Variants in NOL4 observed in about 807,000 individuals in gnomAD.
NOL4 encodes nucleolar protein 4.
In NOL4, 17 loss-of-function variants were observed where a neutral mutation model predicts 75.9. The ratio of observed to expected loss-of-function variants is 0.22; its 90% confidence interval spans 0.15 to 0.34. The LOEUF is 0.34. NOL4 is among the 10% of genes least tolerant of loss of function. The pLI is 1.00. For synonymous variants in NOL4, 292 were observed against 289.9 expected (o/e 1.01, Z -0.07); for missense variants, 614 against 793.5 (o/e 0.77, Z 2.72).
chr18:34,015,546 T>C (rs1280047864), intron 6 of NOL4, among the ~76,000 whole-genome samples: 1 of 150,570 alleles, frequency 6.6e-6, no homozygotes, highest in Non-Finnish European at 1.5e-5. Context: ...ATTCCTTTTA[T>C]ATCACTTGTT....
chr18:34,062,119 GA>G (rs1416388666), intron 5 of NOL4, among the ~76,000 whole-genome samples: 6 of 151,954 alleles, frequency 3.9e-5, no homozygotes, highest in African/African-American at 7.3e-5. Flanking sequence ...CTCAAAATAA[GA>G]AATGCCCAAT....
chr18:34,172,546 A>G (rs932179470), intron 1 of NOL4, among the ~76,000 whole-genome samples: 4 of 152,126 alleles, frequency 2.6e-5, no homozygotes, highest in African/African-American at 9.7e-5. Flanking sequence ...TATACCCAGA[A>G]GTAGAATTGC....
At chr18:33,989,662 T>C (rs2072768075) in intron 6 of NOL4, among the ~76,000 whole-genome samples, 1 of 152,102 alleles carries the variant, frequency 6.6e-6, no homozygotes, top group Admixed American at 6.6e-5. Context: ...TTTTAAGGAA[T>C]TACTAGGGAA....
At chr18:34,048,882 T>C (rs563041574) in intron 5 of NOL4, among the ~76,000 whole-genome samples, 9 of 152,106 alleles carry the variant, frequency 5.9e-5, no homozygotes, top group Non-Finnish European at 1.0e-4. Context: ...TTTTAATAAT[T>C]TTCCAGTTTA....
intron 6 of NOL4, among the ~76,000 whole-genome samples, chr18:34,008,543 T>C (rs2074187960): frequency 6.6e-6 from 1 of 151,974 alleles, no homozygotes; most frequent in African/African-American, 2.4e-5. Context: ...ATTTGTCTCA[T>C]ACGTGAAAAT....
chr18:33,920,706 T>A (rs1284492808), intron 9 of NOL4, among the ~76,000 whole-genome samples: 1 of 152,222 alleles, frequency 6.6e-6, no homozygotes. Context: ...AGGAAGAATG[T>A]GTAAAGAATA....
intron 5 of NOL4, among the ~76,000 whole-genome samples, chr18:34,024,295 T>C (rs2075235509): frequency 1.3e-5 from 2 of 148,636 alleles, no homozygotes; most frequent in South Asian, 2.1e-4. Flanking sequence ...ACAAAGATTT[T>C]ATTGTTTTCC....
intron 5 of NOL4, among the ~76,000 whole-genome samples, chr18:34,077,586 A>G (rs570020928): frequency 7.9e-5 from 12 of 152,286 alleles, no homozygotes; most frequent in African/African-American, 2.9e-4. Flanking sequence ...TAGTATTTAA[A>G]CACAACATGC....
intron 6 of NOL4, among the ~76,000 whole-genome samples, chr18:33,974,241 C>G (rs1440157849): frequency 6.6e-6 from 1 of 152,172 alleles, no homozygotes; most frequent in African/African-American, 2.4e-5. Context: ...CAACTTTTCT[C>G]TTGAAGCTTT....
chr18:33,926,466 T>C (rs1392950483), intron 9 of NOL4, among the ~76,000 whole-genome samples: 1 of 152,076 alleles, frequency 6.6e-6, no homozygotes, highest in Non-Finnish European at 1.5e-5. Context: ...TCTGCCTTCT[T>C]AGATGTCTTC....
chr18:33,941,646 C>A (rs2068488557), intron 9 of NOL4, among the ~76,000 whole-genome samples: 2 of 151,892 alleles, frequency 1.3e-5, no homozygotes, highest in African/African-American at 4.8e-5. Context: ...ATTTAAAGTT[C>A]TCATAACGAC....
intron 5 of NOL4, among the ~76,000 whole-genome samples, chr18:34,065,653 C>A (rs1453744422): frequency 6.6e-6 from 1 of 151,842 alleles, no homozygotes; most frequent in African/African-American, 2.4e-5. Flanking sequence ...TTACAAAATG[C>A]ACAGAAATTG....
chr18:33,873,337 A>G (rs1039772066), intron 10 of NOL4, among the ~76,000 whole-genome samples: 5 of 152,002 alleles, frequency 3.3e-5, no homozygotes, highest in African/African-American at 1.2e-4. Context: ...ACATCTTTGC[A>G]TATGGTTAGT....
intron 2 of NOL4, among the ~76,000 whole-genome samples, chr18:34,115,867 C>T (rs1416047285): frequency 6.6e-6 from 1 of 152,050 alleles, no homozygotes; most frequent in Non-Finnish European, 1.5e-5. Flanking sequence ...GACAATGAGG[C>T]CATTTCAGAA....
In NOL4 at chr18:34,164,363, A is replaced by G. The variant is rs561164313; in HGVS notation, c.265-34343T>C. ...CTCATCTGACAAAGGGCTAATATCC[A>G]GAATCTATAATGAACTCAAACAAAT... On this transcript the variant is annotated intron_variant, in intron 1 of 10. Coordinates refer to ENST00000261592, the MANE Select transcript of NOL4 (RefSeq NM_003787.5). 2.2e-4 allele frequency among the ~76,000 whole-genome samples: 33 copies of G among 152,332 alleles called. No individual in the cohort carries two copies. The East Asian group carries it at 5.8e-3, about 27-fold the overall frequency.
chr18:34,109,078 C>A (rs572447213), intron 2 of NOL4, among the ~76,000 whole-genome samples: 27 of 152,126 alleles, frequency 1.8e-4, no homozygotes, highest in African/African-American at 6.5e-4. Context: ...ATAAAAAACA[C>A]ACTCCTGAGC....
chr18:33,890,617 A>G (rs2065036212), intron 9 of NOL4, among the ~76,000 whole-genome samples: 1 of 152,114 alleles, frequency 6.6e-6, no homozygotes, highest in African/African-American at 2.4e-5. Flanking sequence ...ACAGCTGATA[A>G]TGAGAACTTT....
At chr18:34,171,080 C>A (rs1287815002) in intron 1 of NOL4, among the ~76,000 whole-genome samples, 3 of 152,112 alleles carry the variant, frequency 2.0e-5, no homozygotes, top group Non-Finnish European at 4.4e-5. Context: ...TAGTTAGCCT[C>A]TCATTTTCTT....
intron 1 of NOL4, among the ~76,000 whole-genome samples, chr18:34,201,436 T>C (rs563545381): frequency 4.6e-5 from 7 of 151,948 alleles, no homozygotes; most frequent in East Asian, 1.9e-4. Flanking sequence ...TCTTAACCGC[T>C]ACTCTTACTG....
Sources: gnomAD v4.1 joint callset for allele counts (sites outside exome capture counted in the v4.1 genomes callset) on GRCh38, gnomAD v4.1.1 for gene constraint, MANE v1.5 for transcripts, NCBI Gene and HGNC (gene_info 2026-07-23, HGNC 2026-07-21) for gene names.